The following LHFPL1 variants were observed in gnomAD, a reference collection of about 807,000 sequenced individuals.
LHFPL1 encodes LHFPL tetraspan subfamily member 1.
Under a neutral mutation model 12.1 loss-of-function variants are expected in LHFPL1, and 4 were observed. The observed-to-expected ratio is 0.33, with a 90% CI of 0.16 to 0.76. The LOEUF is 0.76. Ranked by LOEUF, LHFPL1 falls within the 30% of genes least tolerant of loss-of-function variation. LHFPL1 has a pLI of 0.61. For missense variants in LHFPL1, 141 were observed against 174.1 expected, an observed-to-expected ratio of 0.81 and a Z score of 1.07; for synonymous variants, 52 against 61.9, an observed-to-expected ratio of 0.84 and a Z score of 0.75.
rs1188774184 is a variant in LHFPL1 at position 112,671,372 on chromosome X, T to C, written c.19A>G (p.Met7Val). 5 of 1,210,217 alleles carry C rather than the reference T, an allele frequency of 4.1e-6. No individual in the cohort carries two copies. In the African/African-American group the frequency reaches 5.2e-5, roughly 13 times the overall value. The part of the protein sequence containing the change: MRSSLT[M>V]VGTLWAFLSL... ...AGGAAGGCCCAGAGGGTTCCCACCA[T>C]GGTCAGGCTGCTCCTCATGGTCACA... The change falls in exon 2 of 4, where the codon ATG (methionine) becomes GTG (valine). Residue 7 changes from methionine to valine, a missense_variant. Met to Val is a conservative substitution (Grantham distance 21). Transcript: ENST00000371968.
Position 112,630,679 on chromosome X carries a change from G to A in LHFPL1, c.*741C>T, listed in dbSNP as rs1930163868. 1 of 111,667 alleles carries A rather than the reference G, an allele frequency of 9.0e-6. No individual in the cohort carries two copies. Among genetic ancestry groups the A allele is most frequent in the Admixed American group, 9.5e-5 (1 of 10,559 alleles). The allele number at this position is 111,667 out of a possible 1,213,427, so 9.2% of individuals were successfully genotyped here. ...CTGTCACCATGAATTTAAATTTATT[G>A]AGTGCCCCACAAATGCTAGTCTATT... On this transcript the variant is annotated 3_prime_UTR_variant, in exon 4 of 4. Coordinates refer to ENST00000371968, the MANE Select transcript of LHFPL1 (RefSeq NM_178175.4).
rs187241279 is a variant in LHFPL1 at position 112,637,618 on chromosome X, T to C, written c.482-6017A>G. On this transcript the variant is annotated intron_variant, in intron 3 of 3. Transcript: ENST00000371968. ...TCTCTTTGGAGGAAGAAGGAAACAATGTTGAAAAGAAAGGGCATAAAAAGA... is the reference window on the plus strand; with the variant it reads ...TCTCTTTGGAGGAAGAAGGAAACAACGTTGAAAAGAAAGGGCATAAAAAGA... 4.3e-3 allele frequency among the ~76,000 whole-genome samples: 483 copies of C among 111,838 alleles called. 4 individuals carry two copies. Among genetic ancestry groups the C allele is most frequent in the Non-Finnish European group, 7.5e-3 (396 of 53,143 alleles).
At chrX:112,649,988 A>AAG (rs35004044) in intron 3 of LHFPL1, among the ~76,000 whole-genome samples, 22,831 of 108,483 alleles carry the variant, frequency 0.21, 2,239 homozygotes, top group African/African-American at 0.36. Flanking sequence ...GAAAAAAAAA[A>AAG]AAGTATATAG....
Position 112,665,150 on chromosome X carries a change from C to G in LHFPL1, c.383-4425G>C, listed in dbSNP as rs190428021. 3.3e-3 allele frequency among the ~76,000 whole-genome samples: 368 copies of G among 110,657 alleles called. 2 individuals carry two copies. Among genetic ancestry groups the G allele is most frequent in the South Asian group, 0.024 (61 of 2,539 alleles). On this transcript the variant is annotated intron_variant, in intron 2 of 3. Coordinates refer to ENST00000371968, the MANE Select transcript of LHFPL1 (RefSeq NM_178175.4). Reference sequence around the variant, plus strand: ...GCTAACTCCCAGTTTGACTTCCCCTCCAACCACATATGCCCCTTGAAGAAG... The same window carrying G: ...GCTAACTCCCAGTTTGACTTCCCCTGCAACCACATATGCCCCTTGAAGAAG...
chrX:112,660,754 A>C lies in LHFPL1; in HGVS notation c.383-29T>G, dbSNP rs190523170. Reference sequence around the variant, plus strand: ...GAAAGAAAGCATACACACAGACAGAAAAAATATAACGTCTTCTGTCACCCC... The same window carrying C: ...GAAAGAAAGCATACACACAGACAGACAAAATATAACGTCTTCTGTCACCCC... On this transcript the variant is annotated intron_variant, in intron 2 of 3. Transcript: ENST00000371968. The C allele has an allele frequency of 6.8e-4, 695 of 1,027,206 alleles. 1 individual carries two copies. Among genetic ancestry groups the C allele is most frequent in the Non-Finnish European group, 9.1e-4 (672 of 736,421 alleles). 84.7% of individuals were successfully genotyped at this position (1,027,206 alleles called of 1,213,427 possible).
At chrX:112,652,445 G>A (rs1930881549) in intron 3 of LHFPL1, among the ~76,000 whole-genome samples, 1 of 111,646 alleles carries the variant, frequency 9.0e-6, no homozygotes. Flanking sequence ...GGACACACAA[G>A]GTCTGGGCCA....
chrX:112,658,350 G>C (rs909680858), intron 3 of LHFPL1, among the ~76,000 whole-genome samples: 1 of 108,226 alleles, frequency 9.2e-6, no homozygotes, highest in African/African-American at 3.4e-5. Context: ...ACTTGAACCT[G>C]GGAGGCGGAG....
At chrX:112,645,555 T>A (rs1033725503) in intron 3 of LHFPL1, among the ~76,000 whole-genome samples, 1 of 111,543 alleles carries the variant, frequency 9.0e-6, no homozygotes, top group Admixed American at 9.5e-5. Flanking sequence ...AGTAACAAAC[T>A]CACAAATGCT....
Position 112,631,134 on chromosome X carries a change from C to A in LHFPL1, c.*286G>T. On this transcript the variant is annotated 3_prime_UTR_variant, in exon 4 of 4. Transcript: ENST00000371968. Reference sequence around the variant, plus strand: ...TCCCTGCACAACTATTCTTACCCAGCCTTAGCTTTGGATCCTATTTTGCAT... The same window carrying A: ...TCCCTGCACAACTATTCTTACCCAGACTTAGCTTTGGATCCTATTTTGCAT... 4.4e-6 allele frequency: 1 copy of A among 225,249 alleles called. No homozygotes were observed. The highest frequency in any genetic ancestry group is 7.7e-5 in the East Asian group (1 of 12,946). 18.6% of individuals were successfully genotyped at this position (225,249 alleles called of 1,213,427 possible).
At chrX:112,668,618 A>T (rs1274146566) in intron 2 of LHFPL1, among the ~76,000 whole-genome samples, 1 of 112,916 alleles carries the variant, frequency 8.9e-6, no homozygotes, top group Middle Eastern at 4.2e-3. Context: ...TGGCAGAATC[A>T]TGTGAAACTA....
intron 3 of LHFPL1, among the ~76,000 whole-genome samples, chrX:112,651,244 C>T (rs950056292): frequency 2.7e-5 from 3 of 111,948 alleles, no homozygotes; most frequent in African/African-American, 9.7e-5. Flanking sequence ...ACTTCTCATC[C>T]TCATGATAAG....
chrX:112,636,347 A>G (rs758565019), intron 3 of LHFPL1, among the ~76,000 whole-genome samples: 1 of 112,088 alleles, frequency 8.9e-6, no homozygotes, highest in Non-Finnish European at 1.9e-5. Flanking sequence ...ACAATACATA[A>G]AAGAGTTCTC....
At chrX:112,646,872 C>T (rs1930706042) in intron 3 of LHFPL1, among the ~76,000 whole-genome samples, 1 of 111,506 alleles carries the variant, frequency 9.0e-6, no homozygotes, top group African/African-American at 3.3e-5. Context: ...TGACTCAAGA[C>T]ATACCCTCAC....
intron 3 of LHFPL1, among the ~76,000 whole-genome samples, chrX:112,654,854 T>C (rs1475486359): frequency 8.9e-6 from 1 of 111,739 alleles, no homozygotes; most frequent in Non-Finnish European, 1.9e-5. Flanking sequence ...CATTTTATTA[T>C]ATCTCATGGT....
intron 3 of LHFPL1, among the ~76,000 whole-genome samples, chrX:112,634,203 T>A (rs962589570): frequency 2.7e-5 from 3 of 111,297 alleles, no homozygotes; most frequent in African/African-American, 9.8e-5. Context: ...AGACCAAGTG[T>A]CTTTACTCCC....
chrX:112,643,236 G>A (rs912576849), intron 3 of LHFPL1, among the ~76,000 whole-genome samples: 4 of 108,323 alleles, frequency 3.7e-5, no homozygotes, highest in Admixed American at 9.9e-5. Flanking sequence ...AAAATTAGCC[G>A]GGCGTGGTGG....
intron 2 of LHFPL1, among the ~76,000 whole-genome samples, chrX:112,664,847 G>A (rs1313547555): frequency 8.9e-6 from 1 of 112,123 alleles, no homozygotes; most frequent in Non-Finnish European, 1.9e-5. Context: ...ATTTACAAGT[G>A]TCAGTCCCTG....
In LHFPL1 at chrX:112,636,932, C is replaced by T. The variant is rs144217389; in HGVS notation, c.482-5331G>A. 5.6e-3 allele frequency among the ~76,000 whole-genome samples: 629 copies of T among 111,565 alleles called. 6 individuals carry two copies. The highest frequency in any genetic ancestry group is 0.019 in the African/African-American group (594 of 30,658). ...ATACTGCAGGGAGATGACATCACAC[C>T]TAGAAATTTTCTCTATATCCATGCA... On this transcript the variant is annotated intron_variant, in intron 3 of 3. Transcript: ENST00000371968.
chrX:112,660,930 G>A (rs892298962), intron 2 of LHFPL1, among the ~76,000 whole-genome samples: 12 of 111,816 alleles, frequency 1.1e-4, no homozygotes, highest in African/African-American at 3.9e-4. Flanking sequence ...AGGTAGCAGA[G>A]GGGACAACTC....
Sources: gnomAD v4.1 joint callset for allele counts (sites outside exome capture counted in the v4.1 genomes callset) on GRCh38, gnomAD v4.1.1 for gene constraint, MANE v1.5 for transcripts, NCBI Gene and HGNC (gene_info 2026-07-23, HGNC 2026-07-21) for gene names.